SRGAP3: variants seen among roughly 807,000 people sequenced by gnomAD.
The protein encoded by SRGAP3 is SLIT-ROBO Rho GTPase-activating protein 3.
A neutral mutation model predicts 121.1 loss-of-function variants in SRGAP3; 39 were observed. The ratio of observed to expected loss-of-function variants is 0.32; its 90% CI spans 0.25 to 0.42. The LOEUF (loss-of-function observed/expected upper bound fraction) is 0.42, where lower values mean the gene tolerates loss of function less well. SRGAP3 is among the 10% of genes least tolerant of loss of function. SRGAP3 has a pLI of 1.00. For synonymous variants in SRGAP3, 601 were observed against 570.0 expected (o/e 1.05, Z -0.77); for missense variants, 1,213 against 1,470.6 (o/e 0.82, Z 2.86).
chr3:9,124,843 C>T lies in SRGAP3; in HGVS notation c.142G>A (p.Asp48Asn). The change falls in exon 2 of 22, where the codon GAC (aspartate) becomes AAC (asparagine). Residue 48 changes from aspartate to asparagine, a missense_variant. Transcript: ENST00000383836. ...TTCCGGCGGAAAAACTCCTGGAGGT[C>T]TTGAAGCAGCTGCAGTCGCGACTCT... ...QSESRLQLLQ[D>N]LQEFFRRKAE... is the part of the protein sequence containing the mutation. 1 of 1,614,240 alleles carries T rather than the reference C, an allele frequency of 6.2e-7. No individual in the cohort carries two copies. The highest frequency in any genetic ancestry group is 8.5e-7 in the Non-Finnish European group (1 of 1,180,052).
chr3:9,197,815 T>C (rs950961760), intron 1 of SRGAP3, among the ~76,000 whole-genome samples: 6 of 152,246 alleles, frequency 3.9e-5, no homozygotes, highest in Non-Finnish European at 8.8e-5. Context: ...AATAACATTG[T>C]GTTAAAAGTT....
At chr3:9,027,894 C>G (rs776831518) in intron 12 of SRGAP3, among the ~76,000 whole-genome samples, 9 of 152,228 alleles carry the variant, frequency 5.9e-5, no homozygotes, top group Non-Finnish European at 1.2e-4. Context: ...ATGTAATATG[C>G]TCTTGTGAAG....
chr3:9,167,546 T>C (rs537749618), intron 1 of SRGAP3, among the ~76,000 whole-genome samples: 1 of 152,320 alleles, frequency 6.6e-6, no homozygotes, highest in African/African-American at 2.4e-5. Context: ...GGGAGCTGAA[T>C]TCCCTGCTGT....
intron 1 of SRGAP3, among the ~76,000 whole-genome samples, chr3:9,356,772 T>C (rs2030539319): frequency 6.6e-6 from 1 of 151,934 alleles, no homozygotes; most frequent in Non-Finnish European, 1.5e-5. Flanking sequence ...CCTCCTAAAG[T>C]GCTGGGATTA....
At chr3:9,350,402 A>G (rs2030065771) in intron 1 of SRGAP3, among the ~76,000 whole-genome samples, 1 of 152,208 alleles carries the variant, frequency 6.6e-6, no homozygotes, top group African/African-American at 2.4e-5. Flanking sequence ...ACAGAAAAAG[A>G]TAATTTAGGG....
chr3:9,280,388 G>C (rs900598254), intron 3 of SRGAP3, among the ~76,000 whole-genome samples: 8 of 152,248 alleles, frequency 5.3e-5, no homozygotes, highest in Non-Finnish European at 1.2e-4. Flanking sequence ...GCACACACCA[G>C]TTTGTGCCCA....
intron 1 of SRGAP3, among the ~76,000 whole-genome samples, chr3:9,141,958 G>A (rs570448637): frequency 1.1e-4 from 17 of 152,298 alleles, no homozygotes; most frequent in East Asian, 5.8e-4. Flanking sequence ...AATCATTATC[G>A]TTGCCTAATG....
chr3:9,107,629 T>G (rs1331971493), intron 2 of SRGAP3, among the ~76,000 whole-genome samples: 1 of 152,194 alleles, frequency 6.6e-6, no homozygotes, highest in Non-Finnish European at 1.5e-5. Flanking sequence ...AGCAGCAGCA[T>G]CACTTAGGAA....
At chr3:9,014,149 G>C in intron 15 of SRGAP3, 1 of 446,522 alleles carries the variant, frequency 2.2e-6, no homozygotes, top group Non-Finnish European at 4.2e-6. Flanking sequence ...GCACAGTGGG[G>C]GCCCCTGAGA....
At chr3:9,233,292 G>A (rs754312146) in intron 1 of SRGAP3, among the ~76,000 whole-genome samples, 1 of 152,138 alleles carries the variant, frequency 6.6e-6, no homozygotes, top group African/African-American at 2.4e-5. Context: ...ATTGAACCCC[G>A]GTCTGGGTGA....
At chr3:9,079,774 G>A (rs1478361099) in intron 4 of SRGAP3, among the ~76,000 whole-genome samples, 3 of 152,194 alleles carry the variant, frequency 2.0e-5, no homozygotes, top group Non-Finnish European at 4.4e-5. Context: ...ACGCCCCACA[G>A]CGGCAGGTCG....
chr3:9,088,982 G>A (rs1335902292), intron 3 of SRGAP3, among the ~76,000 whole-genome samples: 6 of 152,102 alleles, frequency 3.9e-5, no homozygotes, highest in Admixed American at 1.3e-4. Flanking sequence ...AGACACTGGT[G>A]AGGTCTCTCA....
intron 10 of SRGAP3, among the ~76,000 whole-genome samples, chr3:9,041,872 G>A (rs1945027841): frequency 1.3e-5 from 2 of 152,110 alleles, no homozygotes; most frequent in African/African-American, 4.8e-5. Flanking sequence ...AGGCCGACGT[G>A]GGTGAATCAC....
chr3:9,194,595 G>A (rs1951863682), intron 1 of SRGAP3: 1 of 152,146 alleles, frequency 6.6e-6, no homozygotes, highest in Admixed American at 6.5e-5. Flanking sequence ...GGCTGTGCAG[G>A]GCTGAAAGCC....
intron 6 of SRGAP3, 151 bp from the exon 7 acceptor site, chr3:9,058,623 C>A: frequency 5.3e-6 from 4 of 752,770 alleles, no homozygotes; most frequent in Non-Finnish European, 8.9e-6. Context: ...TCCTACTGCA[C>A]AAACCTCACG....
intron 1 of SRGAP3, among the ~76,000 whole-genome samples, chr3:9,149,209 G>A (rs1447441472): frequency 5.2e-5 from 7 of 134,952 alleles, no homozygotes; most frequent in East Asian, 2.2e-4. Context: ...GCAAGACTCC[G>A]TCTCAAAAAA....
intron 10 of SRGAP3, among the ~76,000 whole-genome samples, chr3:9,042,095 G>T (rs2670006): frequency 0.52 from 74,178 of 142,734 alleles, 18,964 homozygotes; most frequent in South Asian, 0.66. Flanking sequence ...AGAGCTAGAC[G>T]CCATCTCAAA....
intron 1 of SRGAP3, among the ~76,000 whole-genome samples, chr3:9,230,313 A>G (rs1559228813): frequency 6.6e-6 from 1 of 152,212 alleles, no homozygotes; most frequent in Non-Finnish European, 1.5e-5. Flanking sequence ...GGTCAGTTCA[A>G]TACCAACAAC....
chr3:9,180,777 C>T (rs928434371), intron 1 of SRGAP3, among the ~76,000 whole-genome samples: 2 of 152,202 alleles, frequency 1.3e-5, no homozygotes, highest in African/African-American at 4.8e-5. Flanking sequence ...GATCCCAGTT[C>T]CCACTGTAGA....
Sources: gnomAD v4.1 joint callset for allele counts (sites outside exome capture counted in the v4.1 genomes callset) on GRCh38, gnomAD v4.1.1 for gene constraint, MANE v1.5 for transcripts, NCBI Gene and HGNC (gene_info 2026-07-23, HGNC 2026-07-21) for gene names.